PRKCA: variants seen among roughly 807,000 people sequenced by gnomAD.
PRKCA encodes protein kinase C alpha type.
PRKCA carries 27 observed loss-of-function variants against 87.0 expected under a neutral mutation model. That is an observed-to-expected ratio of 0.31 (90% CI 0.23 to 0.43). The LOEUF (loss-of-function observed/expected upper bound fraction) is 0.43. Ranked by LOEUF, PRKCA falls within the 20% of genes least tolerant of loss-of-function variation. The pLI, the probability that PRKCA is intolerant of heterozygous loss-of-function variation, is 1.00. For synonymous variants in PRKCA, 329 were observed against 311.1 expected (o/e 1.06, Z -0.61); for missense variants, 518 against 852.3 (o/e 0.61, Z 4.88).
In PRKCA at chr17:66,741,720, A is replaced by C. The variant is rs572363802; in HGVS notation, c.1384A>C (p.Arg462=). The change falls in exon 12 of 17, where the codon AGG becomes CGG. Residue 462 remains arginine (R), a splice_region_variant and synonymous_variant. Transcript: ENST00000413366. ...FFLHKRGIIY[R]DLKLDNVMLD... ...TCTTCATAAAAGAGGAATCATTTAT[A>C]GGTGTGTATTGAAGCCCTCCTACCA... The C allele has an allele frequency of 6.2e-7, 1 of 1,614,054 alleles. No individual in the cohort carries two copies. The highest frequency in any genetic ancestry group is 2.2e-5 in the East Asian group (1 of 44,878).
intron 3 of PRKCA, among the ~76,000 whole-genome samples, chr17:66,499,799 G>A (rs952761718): frequency 2.0e-5 from 3 of 152,034 alleles, no homozygotes; most frequent in African/African-American, 7.3e-5. Flanking sequence ...AGAGAAAGAG[G>A]TATATTAGAT....
chr17:66,501,179 T>C (rs914820346), intron 3 of PRKCA, among the ~76,000 whole-genome samples: 3 of 152,168 alleles, frequency 2.0e-5, no homozygotes, highest in African/African-American at 7.2e-5. Context: ...CAGGTTACAG[T>C]AGCCAGATGG....
At chr17:66,356,494 G>A (rs1052772688) in intron 2 of PRKCA, among the ~76,000 whole-genome samples, 1 of 152,064 alleles carries the variant, frequency 6.6e-6, no homozygotes, top group Admixed American at 6.5e-5. Context: ...AATTAGCCGG[G>A]CGTGGTGTCG....
At chr17:66,374,721 T>TC (rs1436347380) in intron 2 of PRKCA, among the ~76,000 whole-genome samples, 5 of 144,546 alleles carry the variant, frequency 3.5e-5, no homozygotes, top group African/African-American at 1.3e-4. Context: ...GTTGCATTCT[T>TC]TTTTTTTTTT....
chr17:66,739,478 G>A (rs763145272), intron 11 of PRKCA, among the ~76,000 whole-genome samples: 10 of 152,222 alleles, frequency 6.6e-5, no homozygotes, highest in Admixed American at 2.6e-4. Flanking sequence ...CGAAAGGAAC[G>A]AGGTGCTCCC....
Position 66,764,207 on chromosome 17 carries a change from G to A in PRKCA, c.1525-9780G>A, listed in dbSNP as rs150608295. ...TTCAGAGCTAAAGAGCCTGGCTCTCGGCACATGCCTACTGTGGTGATGTTG... is the reference window on the plus strand; with the variant it reads ...TTCAGAGCTAAAGAGCCTGGCTCTCAGCACATGCCTACTGTGGTGATGTTG... On this transcript the variant is annotated intron_variant, in intron 13 of 16. Coordinates refer to ENST00000413366, the MANE Select transcript of PRKCA (RefSeq NM_002737.3). Among the ~76,000 whole-genome samples the A allele has an allele frequency of 3.2e-3, 486 of 152,308 alleles. 2 individuals carry two copies. The highest frequency in any genetic ancestry group is 4.0e-3 in the Non-Finnish European group (272 of 68,028).
At chr17:66,751,957 A>AT (rs1345667902) in intron 13 of PRKCA, among the ~76,000 whole-genome samples, 1 of 152,216 alleles carries the variant, frequency 6.6e-6, no homozygotes, top group Non-Finnish European at 1.5e-5. Flanking sequence ...ATGCTAAACC[A>AT]TTCATGAGAA....
intron 2 of PRKCA, among the ~76,000 whole-genome samples, chr17:66,426,145 G>T (rs1446425826): frequency 2.0e-5 from 3 of 152,166 alleles, no homozygotes; most frequent in Non-Finnish European, 2.9e-5. Flanking sequence ...AGGTTAGGAA[G>T]GAAGCAAGAG....
intron 13 of PRKCA, among the ~76,000 whole-genome samples, chr17:66,771,199 T>G (rs949919077): frequency 6.6e-6 from 1 of 152,116 alleles, no homozygotes; most frequent in Non-Finnish European, 1.5e-5. Context: ...GAAACGGGGT[T>G]TCACCATGTT....
intron 3 of PRKCA, among the ~76,000 whole-genome samples, chr17:66,603,378 A>G (rs1296445789): frequency 6.6e-6 from 1 of 152,218 alleles, no homozygotes; most frequent in Non-Finnish European, 1.5e-5. Flanking sequence ...GGCCTTAAAA[A>G]TAAATCTCAT....
intron 2 of PRKCA, among the ~76,000 whole-genome samples, chr17:66,330,815 G>A (rs1385282013): frequency 6.6e-6 from 1 of 152,216 alleles, no homozygotes; most frequent in Non-Finnish European, 1.5e-5. Context: ...GCGAGTGCGA[G>A]TGAAGCTGAT....
intron 2 of PRKCA, among the ~76,000 whole-genome samples, chr17:66,342,470 AT>A (rs1328834602): frequency 4.1e-5 from 6 of 145,626 alleles, no homozygotes; most frequent in African/African-American, 1.5e-4. Flanking sequence ...AATAATAATA[AT>A]AATAATAATA....
intron 3 of PRKCA, among the ~76,000 whole-genome samples, chr17:66,570,929 A>G (rs551989083): frequency 2.3e-4 from 35 of 152,294 alleles, no homozygotes; most frequent in Non-Finnish European, 3.5e-4. Flanking sequence ...TGAAAATAAT[A>G]TTAAATCTAC....
chr17:66,491,028 T>C (rs937925259), intron 2 of PRKCA, among the ~76,000 whole-genome samples: 1 of 152,184 alleles, frequency 6.6e-6, no homozygotes, highest in African/African-American at 2.4e-5. Context: ...CAAGATTGGG[T>C]GTTCTCAGTT....
chr17:66,528,063 A>G (rs1028303704), intron 3 of PRKCA, among the ~76,000 whole-genome samples: 2 of 151,994 alleles, frequency 1.3e-5, no homozygotes, highest in African/African-American at 4.8e-5. Flanking sequence ...AGAATTAGCC[A>G]GGCGTGGTGG....
intron 3 of PRKCA, among the ~76,000 whole-genome samples, chr17:66,524,081 G>A (rs910508156): frequency 6.6e-6 from 1 of 152,170 alleles, no homozygotes; most frequent in African/African-American, 2.4e-5. Context: ...CCAGGCCTCA[G>A]CCTCTGCAAC....
chr17:66,306,149 T>C, intron 2 of PRKCA, 22 bp downstream of exon 2: 1 of 1,607,502 alleles, frequency 6.2e-7, no homozygotes, highest in Non-Finnish European at 8.5e-7. Context: ...CTTTTGGTTT[T>C]ATTTTCAAGC....
chr17:66,688,410 G>A lies in PRKCA; in HGVS notation c.795G>A (p.Glu265=), dbSNP rs1972687772. 4.3e-6 allele frequency: 7 copies of A among 1,614,160 alleles called. No homozygotes were observed. Among genetic ancestry groups the A allele is most frequent in the Middle Eastern group, 1.6e-4 (1 of 6,062 alleles). The change falls in exon 7 of 17, where the codon GAG becomes GAA. Residue 265 remains glutamate, a synonymous_variant. Transcript: ENST00000413366. ...FMGSLSFGVS[E]LMKMPASGWY... ...GATCCCTTTCCTTTGGAGTTTCGGAGCTGATGAAGATGCCGGCCAGTGGAT... is the reference window on the plus strand; with the variant it reads ...GATCCCTTTCCTTTGGAGTTTCGGAACTGATGAAGATGCCGGCCAGTGGAT...
At chr17:66,481,891 G>A (rs1346117660) in intron 2 of PRKCA, among the ~76,000 whole-genome samples, 3 of 151,786 alleles carry the variant, frequency 2.0e-5, no homozygotes, top group Non-Finnish European at 2.9e-5. Context: ...TCACAAGGTC[G>A]GGAGTTCAAG....
Sources: gnomAD v4.1 joint callset for allele counts (sites outside exome capture counted in the v4.1 genomes callset) on GRCh38, gnomAD v4.1.1 for gene constraint, MANE v1.5 for transcripts, NCBI Gene and HGNC (gene_info 2026-07-23, HGNC 2026-07-21) for gene names.